Variants in RGSL1 observed in about 807,000 individuals in gnomAD.
RGSL1 encodes regulator of G protein signaling protein-like.
Under a neutral mutation model 124.7 loss-of-function variants are expected in RGSL1, and 97 were observed. The ratio of observed to expected loss-of-function variants is 0.78; its 90% CI spans 0.66 to 0.92. The LOEUF is 0.92. Ranked by LOEUF, RGSL1 falls within the 40% of genes least tolerant of loss-of-function variation. The pLI is 0.00. For missense variants in RGSL1, 1,233 were observed against 1,288.4 expected (o/e 0.96, Z 0.66); for synonymous variants, 424 against 438.1 (o/e 0.97, Z 0.40).
intron 9 of RGSL1, among the ~76,000 whole-genome samples, chr1:182,502,171 AGAAAAAGCTGTTGTTTTTGTT>A (rs891443720): frequency 2.2e-4 from 34 of 152,310 alleles, no homozygotes; most frequent in Admixed American, 1.9e-3. Context: ...TCTTTTCAAA[AGAAAAAGCTGTTGTTTTTGTT>A]GACGGTCTCT....
chr1:182,512,332 G>A (rs982581615), intron 9 of RGSL1, among the ~76,000 whole-genome samples: 1 of 151,974 alleles, frequency 6.6e-6, no homozygotes, highest in African/African-American at 2.4e-5. Flanking sequence ...AGCTATTCTT[G>A]CCTCTTTATT....
intron 7 of RGSL1, 168 bp downstream of exon 7, chr1:182,488,515 A>G: frequency 1.5e-6 from 1 of 662,676 alleles, no homozygotes; most frequent in Non-Finnish European, 2.5e-6. Flanking sequence ...CCTCTCAAGG[A>G]AAAGGACTCA....
Position 182,556,045 on chromosome 1 carries a change from A to C in RGSL1, c.3219A>C (p.Lys1073Asn). The C allele has an allele frequency of 6.4e-7, 1 of 1,551,638 alleles. No homozygotes were observed. Among genetic ancestry groups the C allele is most frequent in the Non-Finnish European group, 8.7e-7 (1 of 1,146,878 alleles). ...PVQGQKLSYI[K>N]KEK ...TCAGACAAAAATTATCCTACATCAA[A>C]AAAGAGAAGTAATCAAGCGAGACCC... Residue 1073 changes from lysine to asparagine, a missense_variant, in exon 21 of 22, where the codon AAA becomes AAC. Transcript: ENST00000294854.
chr1:182,526,122 C>G (rs189287598), intron 10 of RGSL1, among the ~76,000 whole-genome samples: 64 of 152,260 alleles, frequency 4.2e-4, no homozygotes, highest in Admixed American at 7.8e-4. Context: ...AACACTCAGG[C>G]ACAGGCAGCT....
chr1:182,554,621 C>A lies in RGSL1; in HGVS notation c.3131-6C>A. The stretch of plus-strand genomic sequence containing the variant: ...TGATGCAATTTTTCTCTGTATTTCT[C>A]TTTAGCTTCATCAAGCAAACTTACT... On this transcript the variant is annotated splice_region_variant and splice_polypyrimidine_tract_variant and intron_variant, in intron 19 of 21. Transcript: ENST00000294854. 1 of 1,551,502 alleles carries A rather than the reference C, an allele frequency of 6.4e-7. No homozygotes were observed. The highest frequency in any genetic ancestry group is 1.7e-4 in the Middle Eastern group (1 of 5,988).
intron 6 of RGSL1, among the ~76,000 whole-genome samples, chr1:182,482,042 C>G (rs1226052719): frequency 6.6e-6 from 1 of 152,072 alleles, no homozygotes; most frequent in Non-Finnish European, 1.5e-5. Flanking sequence ...ACACAATTAC[C>G]AGGTAGGATT....
chr1:182,454,129 T>C, intron 2 of RGSL1, 89 bp downstream of exon 2: 1 of 788,266 alleles, frequency 1.3e-6, no homozygotes, highest in Non-Finnish European at 2.1e-6. Context: ...TGTTTGTTTG[T>C]TGTTATTTGG....
At chr1:182,552,719 C>CAA (rs948371410) in intron 18 of RGSL1, among the ~76,000 whole-genome samples, 12 of 152,114 alleles carry the variant, frequency 7.9e-5, no homozygotes, top group African/African-American at 2.7e-4. Context: ...CGGGGAAGTC[C>CAA]AAGAGCATGA....
intron 6 of RGSL1, among the ~76,000 whole-genome samples, chr1:182,484,239 C>T (rs1654922454): frequency 6.6e-6 from 1 of 152,044 alleles, no homozygotes; most frequent in Admixed American, 6.5e-5. Context: ...TCCCTGGGAC[C>T]TGGGGTACTA....
intron 9 of RGSL1, among the ~76,000 whole-genome samples, chr1:182,493,406 T>C (rs1409153975): frequency 6.6e-6 from 1 of 152,246 alleles, no homozygotes; most frequent in Non-Finnish European, 1.5e-5. Context: ...TCTGGGGTTT[T>C]AATTAATGTG....
chr1:182,484,911 G>A (rs1654985475), intron 6 of RGSL1, among the ~76,000 whole-genome samples: 1 of 152,174 alleles, frequency 6.6e-6, no homozygotes, highest in Non-Finnish European at 1.5e-5. Flanking sequence ...TACCCTCAGG[G>A]ATGAAGGGAA....
chr1:182,458,447 T>C (rs1315416447), intron 3 of RGSL1, 54 bp downstream of exon 3: 9 of 1,378,144 alleles, frequency 6.5e-6, no homozygotes, highest in Non-Finnish European at 9.0e-6. Context: ...GAGGGAACTA[T>C]AATTGTTTTT....
intron 15 of RGSL1, among the ~76,000 whole-genome samples, chr1:182,542,201 AG>A (rs1366172062): frequency 1.3e-5 from 2 of 152,124 alleles, no homozygotes; most frequent in Non-Finnish European, 2.9e-5. Context: ...TCAGAGTTTT[AG>A]ATTTAAGCCT....
intron 9 of RGSL1, among the ~76,000 whole-genome samples, chr1:182,498,700 G>A (rs1656119867): frequency 6.6e-6 from 1 of 152,054 alleles, no homozygotes; most frequent in African/African-American, 2.4e-5. Flanking sequence ...GGCCAACAGT[G>A]TGGTTGGTTT....
intron 11 of RGSL1, 78 bp from the exon 12 acceptor site, chr1:182,530,166 A>G: frequency 8.8e-7 from 1 of 1,141,212 alleles, no homozygotes; most frequent in East Asian, 2.6e-5. Context: ...AAGATAAAAA[A>G]AAAAAACAAA....
intron 14 of RGSL1, among the ~76,000 whole-genome samples, chr1:182,539,913 T>C (rs3842833): frequency 0.52 from 78,745 of 152,024 alleles, 20,668 homozygotes; most frequent in Non-Finnish European, 0.55. Flanking sequence ...ATCATCAGTG[T>C]TACACACTCC....
At chr1:182,465,308 T>G (rs1233996749) in intron 4 of RGSL1, among the ~76,000 whole-genome samples, 4 of 152,182 alleles carry the variant, frequency 2.6e-5, no homozygotes. Context: ...GTTCATGTAT[T>G]TGTAGGGACA....
chr1:182,530,786 A>G lies in RGSL1; in HGVS notation c.2244-4A>G. The G allele has an allele frequency of 1.3e-6, 2 of 1,528,726 alleles. No homozygotes were observed. The highest frequency in any genetic ancestry group is 1.8e-6 in the Non-Finnish European group (2 of 1,139,586). 94.7% of individuals were successfully genotyped at this position (1,528,726 alleles called of 1,614,324 possible). A position where few individuals can be genotyped will look rare whatever the true frequency, so the allele number is the denominator to read the frequency against. ...GTTTGATATTACTGATGTCCTTCTG[A>G]CAGGTTTAAAGATTATCAAGACCTG... is the stretch of plus-strand genomic sequence containing the variant. On this transcript the variant is annotated splice_polypyrimidine_tract_variant and splice_region_variant and intron_variant, in intron 12 of 21. Coordinates refer to ENST00000294854, the MANE Select transcript of RGSL1 (RefSeq NM_001137669.2).
intron 4 of RGSL1, among the ~76,000 whole-genome samples, chr1:182,468,842 A>C (rs928599511): frequency 3.9e-5 from 6 of 152,124 alleles, no homozygotes; most frequent in Non-Finnish European, 5.9e-5. Context: ...GACAGAGTAG[A>C]ATAAAAAGCC....
Sources: gnomAD v4.1 joint callset for allele counts (sites outside exome capture counted in the v4.1 genomes callset) on GRCh38, gnomAD v4.1.1 for gene constraint, MANE v1.5 for transcripts, NCBI Gene and HGNC (gene_info 2026-07-23, HGNC 2026-07-21) for gene names.